EPHA2: variants seen among roughly 807,000 people sequenced by gnomAD.
EPHA2 encodes the protein EPH receptor A2.
EPHA2 carries 54 observed loss-of-function variants against 104.9 expected under a neutral mutation model. The ratio of observed to expected loss-of-function variants is 0.51; its 90% CI spans 0.41 to 0.65. The LOEUF is 0.65. Ranked by LOEUF, EPHA2 falls within the 30% of genes least tolerant of loss-of-function variation. EPHA2 has a pLI of 0.00. For synonymous variants in EPHA2, 560 were observed against 559.1 expected (o/e 1.00, Z -0.02); for missense variants, 1,117 against 1,369.5 (o/e 0.82, Z 2.91).
In EPHA2 at chr1:16,155,944, C is replaced by A; in HGVS notation, c.-12G>T. 6.7e-7 allele frequency: 1 copy of A among 1,487,214 alleles called. No homozygotes were observed. The highest frequency in any genetic ancestry group is 8.9e-7 in the Non-Finnish European group (1 of 1,126,096). The allele number at this position is 1,487,214 out of a possible 1,614,324, so 92.1% of individuals were successfully genotyped here. A position where few individuals can be genotyped will look rare whatever the true frequency, so the allele number is the denominator to read the frequency against. ...GCCTGGAGCTCCATGCCGCGCTTCT[C>A]GCTCTCGGTCCGATCCCCCCGAGCC... On this transcript the variant is annotated 5_prime_UTR_variant, in exon 1 of 17. Coordinates refer to ENST00000358432, the MANE Select transcript of EPHA2 (RefSeq NM_004431.5).
At chr1:16,129,225 G>A (rs2024526401) in intron 16 of EPHA2, among the ~76,000 whole-genome samples, 1 of 151,860 alleles carries the variant, frequency 6.6e-6, no homozygotes, top group African/African-American at 2.4e-5. Context: ...GGTAAAGGAT[G>A]TAGGAAGAGG....
At chr1:16,133,710 A>G in intron 9 of EPHA2, 104 bp from the exon 10 acceptor site, 1 of 1,563,092 alleles carries the variant, frequency 6.4e-7, no homozygotes, top group Non-Finnish European at 8.7e-7. Flanking sequence ...GACTTGGACC[A>G]GGCTGTGGGG....
chr1:16,153,127 G>A, intron 1 of EPHA2: 1 of 872,070 alleles, frequency 1.1e-6, no homozygotes, highest in Non-Finnish European at 1.3e-6. Context: ...CCATTTCTGG[G>A]GGGAAAAAAA....
chr1:16,137,023 C>T (rs980251928), intron 5 of EPHA2, among the ~76,000 whole-genome samples: 6 of 151,922 alleles, frequency 3.9e-5, no homozygotes, highest in African/African-American at 1.4e-4. Context: ...TGGTCTGGAA[C>T]TCTCGACCTC....
Position 16,125,388 on chromosome 1 carries a change from G to GGGGGGGGGGGGGA in EPHA2, c.2826-69_2826-68insTCCCCCCCCCCCC. ...AGGGGAGGGGGCCGGGCTGGGTGGG[G>GGGGGGGGGGGGGA]ACAGGACTCGGTGGGCGGCTGGGGA... is the stretch of plus-strand genomic sequence containing the variant. On this transcript the variant is annotated intron_variant, in intron 16 of 16. Transcript: ENST00000358432. This position sits in a 1 kb window ranked among gnomAD's most constrained non-coding sequence, Gnocchi z 4.9. 1 of 376,144 alleles carries GGGGGGGGGGGGGA rather than the reference G, an allele frequency of 2.7e-6. No individual in the cohort carries two copies. Among genetic ancestry groups the GGGGGGGGGGGGGA allele is most frequent in the Admixed American group, 3.0e-5 (1 of 33,506 alleles). The allele number at this position is 376,144 out of a possible 1,614,324, so 23.3% of individuals were successfully genotyped here. A position where few individuals can be genotyped will look rare whatever the true frequency, so the allele number is the denominator to read the frequency against.
rs566177796 is a variant in EPHA2, at chr1:16,150,962, C to T, written c.87G>A (p.Val29=). The change falls in exon 2 of 17, where the codon GTG becomes GTA. Residue 29 remains valine (V), a splice_region_variant and synonymous_variant. Transcript: ENST00000358432. This position sits in a 1 kb window ranked among gnomAD's most constrained non-coding sequence, Gnocchi z 4.8. The stretch of plus-strand genomic sequence containing the variant: ...CAGCTGCAGCAAAGTCCAGCAGTAC[C>T]ACTGAAAGGGAGAAGGGAGAGGGGG... ...AAAAAAQGKE[V]VLLDFAAAGG... is the part of the protein sequence containing the mutation. 2 of 1,614,098 alleles carry T rather than the reference C, an allele frequency of 1.2e-6. No individual in the cohort carries two copies. The highest frequency in any genetic ancestry group is 4.5e-5 in the East Asian group (2 of 44,892).
At chr1:16,132,851 T>G (rs1400944349) in intron 11 of EPHA2, among the ~76,000 whole-genome samples, 1 of 65,518 alleles carries the variant, frequency 1.5e-5, no homozygotes, top group African/African-American at 6.0e-5. Flanking sequence ...AGGAGGTGGG[T>G]GCAGGTATGG....
intron 3 of EPHA2, among the ~76,000 whole-genome samples, 196 bp from the exon 4 acceptor site, chr1:16,138,626 C>T (rs1411952157): frequency 2.0e-5 from 3 of 152,226 alleles, no homozygotes. Context: ...ACCGGGCACC[C>T]AGGAAGTGCT....
At chr1:16,126,656 T>C (rs540035626) in intron 16 of EPHA2, among the ~76,000 whole-genome samples, 152 of 152,328 alleles carry the variant, frequency 1.0e-3, no homozygotes, top group Non-Finnish European at 1.7e-3. Context: ...AGGTCTCAAA[T>C]TGTGGTCCCT....
chr1:16,148,301 T>C lies in EPHA2; in HGVS notation c.823+77A>G, dbSNP rs1034220238. On this transcript the variant is annotated intron_variant, in intron 3 of 16. Coordinates refer to ENST00000358432, the MANE Select transcript of EPHA2 (RefSeq NM_004431.5). The surrounding 1 kb of genome is among the most constrained non-coding windows in gnomAD (Gnocchi z 4.9). Reference sequence around the variant, plus strand: ...CAAAGCAGGGATGAGCTTACCAAGATTCCATGATTCCAAAGCTAAAGACCA... The same window carrying C: ...CAAAGCAGGGATGAGCTTACCAAGACTCCATGATTCCAAAGCTAAAGACCA... 1 of 1,578,068 alleles carries C rather than the reference T, an allele frequency of 6.3e-7. No homozygotes were observed.
intron 1 of EPHA2, 75 bp from the exon 2 acceptor site, chr1:16,151,038 T>C: frequency 3.4e-6 from 5 of 1,463,428 alleles, no homozygotes; most frequent in East Asian, 2.3e-5. Flanking sequence ...AAGGTGAGGA[T>C]CCCTCCAGGA....
rs746999539 is a variant in EPHA2 at position 16,150,892 on chromosome 1, A to G, written c.153+4T>C. On this transcript the variant is annotated splice_donor_region_variant and intron_variant, in intron 2 of 16. Coordinates refer to ENST00000358432, the MANE Select transcript of EPHA2 (RefSeq NM_004431.5). The surrounding 1 kb of genome is among the most constrained non-coding windows in gnomAD (Gnocchi z 4.8). The stretch of plus-strand genomic sequence containing the variant: ...ACCTCTCCCCACCCCGAAGGCTTAC[A>G]TACCCCTTTGCCATACGGGTGTGTG... The G allele has an allele frequency of 6.2e-7, 1 of 1,614,026 alleles. No individual in the cohort carries two copies.
chr1:16,129,363 G>T, intron 16 of EPHA2, 71 bp downstream of exon 16: 3 of 1,552,056 alleles, frequency 1.9e-6, no homozygotes, highest in Non-Finnish European at 8.8e-7. Flanking sequence ...AAGAGGGCTG[G>T]GGGGGGCATG....
intron 5 of EPHA2, among the ~76,000 whole-genome samples, chr1:16,136,740 GA>G (rs2024711920): frequency 6.8e-6 from 1 of 146,050 alleles, no homozygotes; most frequent in East Asian, 2.0e-4. Context: ...AGAAGAAGAA[GA>G]AGAAGAAGAA....
In EPHA2 at chr1:16,142,869, G is replaced by A. The variant is rs111203794; in HGVS notation, c.824-4439C>T. Among the ~76,000 whole-genome samples the A allele has an allele frequency of 9.3e-3, 1,381 of 149,292 alleles. 28 individuals carry two copies. The highest frequency in any genetic ancestry group is 0.033 in the African/African-American group (1,318 of 39,960). ...GGGTGGATAGATGGATGGATGGGGC[G>A]GAGGATGGACAGATGAATGGACAAG... On this transcript the variant is annotated intron_variant, in intron 3 of 16. Transcript: ENST00000358432.
chr1:16,155,547 G>A (rs1265992924), intron 1 of EPHA2: 3 of 375,284 alleles, frequency 8.0e-6, no homozygotes, highest in Non-Finnish European at 1.4e-5. Context: ...CACGCCCCCC[G>A]CCGGGACGCG....
chr1:16,134,561 T>C lies in EPHA2; in HGVS notation c.1589A>G (p.Glu530Gly). The change falls in exon 8 of 17, where the codon GAG (glutamate) becomes GGG (glycine). Residue 530 changes from glutamate (E) to glycine (G), a missense_variant. Glu to Gly is a moderately conservative substitution (Grantham distance 98). This residue lies in a region of EPHA2 where 664 missense variants were observed against 784.8 expected (regional missense o/e 0.85). Coordinates refer to ENST00000358432, the MANE Select transcript of EPHA2 (RefSeq NM_004431.5). The surrounding 1 kb of genome is among the most constrained non-coding windows in gnomAD (Gnocchi z 4.5). ...AATCACCGCCAAGTTGCCAGATCCC[T>C]CCGGGGCTGGTGGAAGAAATCAGCT... ...KVHEFQTLSP[E>G]GSGNLAVIGG... 1.2e-6 allele frequency: 2 copies of C among 1,613,968 alleles called. No individual in the cohort carries two copies. The highest frequency in any genetic ancestry group is 1.7e-6 in the Non-Finnish European group (2 of 1,179,972).
intron 12 of EPHA2, 31 bp from the exon 13 acceptor site, chr1:16,132,304 C>A (rs780992981): frequency 6.2e-7 from 1 of 1,614,004 alleles, no homozygotes; most frequent in East Asian, 2.2e-5. Context: ...AGCTGCAGGC[C>A]AGCCCTGAAC....
intron 3 of EPHA2, among the ~76,000 whole-genome samples, chr1:16,143,442 AC>A (rs148637442): frequency 0.021 from 3,269 of 152,126 alleles, 116 homozygotes; most frequent in African/African-American, 0.075. Flanking sequence ...CCTGTGGCAC[AC>A]CTGTGGAGAG....
Sources: gnomAD v4.1 joint callset for allele counts (sites outside exome capture counted in the v4.1 genomes callset) on GRCh38, gnomAD v4.1.1 for gene constraint, gnomAD v4.1.1 regional missense constraint, Gnocchi (gnomAD v3.1) non-coding constraint, MANE v1.5 for transcripts, NCBI Gene and HGNC (gene_info 2026-07-23, HGNC 2026-07-21) for gene names.